Variants in RTCA observed in about 807,000 individuals in gnomAD.
The protein encoded by RTCA is RNA terminal phosphate cyclase domain 1.
A neutral mutation model predicts 46.1 loss-of-function variants in RTCA; 37 were observed. That is an observed-to-expected ratio of 0.80 (90% CI 0.62 to 1.06). The LOEUF (loss-of-function observed/expected upper bound fraction) is 1.06, where lower values mean the gene tolerates loss of function less well. RTCA is among the 50% of genes least tolerant of loss of function. The pLI is 0.00. For missense variants in RTCA, 435 were observed against 455.5 expected (o/e 0.95, Z 0.41); for synonymous variants, 164 against 158.3 (o/e 1.04, Z -0.27).
rs1665889392 is a variant in RTCA at position 100,268,172 on chromosome 1, T to A, written c.167T>A (p.Leu56Gln). Residue 56 changes from leucine to glutamine, a missense_variant, in exon 3 of 11, where the codon CTG becomes CAG. By Grantham distance (113) the Leu-to-Gln change is moderately radical (BLOSUM62 -2). Coordinates refer to ENST00000370128, the MANE Select transcript of RTCA (RefSeq NM_003729.4). ...TGAAGGCCTCAACATTTATCTGGAC[T>A]GGAAATGATTCGAGATTTGTGTGAT... The part of the protein sequence containing the change: ...PGLRPQHLSG[L>Q]EMIRDLCDGQ... 1.2e-6 allele frequency: 2 copies of A among 1,614,214 alleles called. No homozygotes were observed. Among genetic ancestry groups the A allele is most frequent in the African/African-American group, 1.3e-5 (1 of 75,052 alleles).
At chr1:100,288,600 A>G (rs1426009773) in intron 10 of RTCA, among the ~76,000 whole-genome samples, 2 of 151,978 alleles carry the variant, frequency 1.3e-5, no homozygotes, top group Non-Finnish European at 2.9e-5. Flanking sequence ...CCACATTCCC[A>G]GGCTGGTCTT....
chr1:100,267,536 A>C (rs905874462), intron 2 of RTCA: 1 of 1,546,042 alleles, frequency 6.5e-7, no homozygotes, highest in African/African-American at 1.4e-5. Flanking sequence ...AGGTCCTGAC[A>C]AGGTTGGTTT....
At chr1:100,273,993 T>C (rs1374860082) in intron 5 of RTCA, among the ~76,000 whole-genome samples, 1 of 152,240 alleles carries the variant, frequency 6.6e-6, no homozygotes, top group Non-Finnish European at 1.5e-5. Context: ...ATTCTAACAA[T>C]ATGTTTGCTT....
At chr1:100,286,766 G>A (rs1389298885) in intron 9 of RTCA, among the ~76,000 whole-genome samples, 1 of 152,126 alleles carries the variant, frequency 6.6e-6, no homozygotes, top group Non-Finnish European at 1.5e-5. Flanking sequence ...CTGTTAAAAT[G>A]TAATTTAAGA....
Position 100,291,535 on chromosome 1 carries a change from A to C in RTCA, c.*31A>C, listed in dbSNP as rs762664833. The C allele has an allele frequency of 3.6e-5, 44 of 1,236,270 alleles. No homozygotes were observed. In the Admixed American group the frequency reaches 8.3e-4, roughly 23 times the overall value. 76.6% of individuals were successfully genotyped at this position (1,236,270 alleles called of 1,614,324 possible). On this transcript the variant is annotated 3_prime_UTR_variant, in exon 11 of 11. Transcript: ENST00000370128. Reference sequence around the variant, plus strand: ...TTGCCTCTTAAATGATACCTCATTGATATATTGCACTATTTCATAAATACT... The same window carrying C: ...TTGCCTCTTAAATGATACCTCATTGCTATATTGCACTATTTCATAAATACT...
chr1:100,289,468 T>C (rs1198223541), intron 10 of RTCA, among the ~76,000 whole-genome samples: 1 of 152,210 alleles, frequency 6.6e-6, no homozygotes, highest in African/African-American at 2.4e-5. Flanking sequence ...ATACTTTTAA[T>C]TGTTATTAAG....
intron 7 of RTCA, among the ~76,000 whole-genome samples, chr1:100,276,017 A>G (rs1376107659): frequency 1.3e-5 from 2 of 151,776 alleles, no homozygotes; most frequent in South Asian, 4.2e-4. Flanking sequence ...TTGTATTTTT[A>G]GTAGAGACAG....
At chr1:100,275,202 C>G (rs1013759225) in intron 6 of RTCA, among the ~76,000 whole-genome samples, 2 of 152,078 alleles carry the variant, frequency 1.3e-5, no homozygotes, top group East Asian at 3.8e-4. Flanking sequence ...TACACATGGA[C>G]ATAAAGATGG....
At position 100,277,332 on chromosome 1, in the gene RTCA, G is replaced by T; in HGVS notation, c.799+16G>T. ...GGTAAACGAGGTAAGATAAATGAAG[G>T]GGGTCCATAGTTCCCAATGCTACTG... On this transcript the variant is annotated intron_variant, in intron 8 of 10. Coordinates refer to ENST00000370128, the MANE Select transcript of RTCA (RefSeq NM_003729.4). 1 of 1,597,502 alleles carries T rather than the reference G, an allele frequency of 6.3e-7. No homozygotes were observed. The highest frequency in any genetic ancestry group is 8.5e-7 in the Non-Finnish European group (1 of 1,172,108).
intron 10 of RTCA, among the ~76,000 whole-genome samples, chr1:100,287,713 T>G (rs1383322602): frequency 6.6e-6 from 1 of 152,030 alleles, no homozygotes; most frequent in Non-Finnish European, 1.5e-5. Flanking sequence ...CCTCTGAAAT[T>G]TAGTAGAGTT....
chr1:100,290,687 A>C (rs977780619), intron 10 of RTCA, among the ~76,000 whole-genome samples: 7 of 152,092 alleles, frequency 4.6e-5, no homozygotes, highest in African/African-American at 1.7e-4. Flanking sequence ...GATCCCTTGA[A>C]CCCAGGAAGT....
intron 2 of RTCA, chr1:100,267,485 T>C: frequency 6.5e-7 from 1 of 1,528,976 alleles, no homozygotes; most frequent in Non-Finnish European, 8.8e-7. Flanking sequence ...ACAACAGAAA[T>C]TTATTTCCTC....
Position 100,288,267 on chromosome 1 carries a change from A to G in RTCA, c.999+1064A>G, listed in dbSNP as rs79867262. Among the ~76,000 whole-genome samples the G allele has an allele frequency of 2.3e-3, 348 of 152,246 alleles. 3 individuals are homozygous for G. Among genetic ancestry groups the G allele is most frequent in the African/African-American group, 5.7e-3 (238 of 41,532 alleles). On this transcript the variant is annotated intron_variant, in intron 10 of 10. Coordinates refer to ENST00000370128, the MANE Select transcript of RTCA (RefSeq NM_003729.4). Reference sequence around the variant, plus strand: ...AATCGTTTCTCTTTGCATTTTTTGCAGTTAATGCATACAACTTCATTTCTT... The same window carrying G: ...AATCGTTTCTCTTTGCATTTTTTGCGGTTAATGCATACAACTTCATTTCTT...
At chr1:100,282,871 A>G (rs549165715) in intron 8 of RTCA, among the ~76,000 whole-genome samples, 11 of 152,128 alleles carry the variant, frequency 7.2e-5, no homozygotes, top group African/African-American at 2.2e-4. Flanking sequence ...GAGTGGTGCA[A>G]TCTTGGCTTA....
chr1:100,289,358 G>A (rs879782116), intron 10 of RTCA, among the ~76,000 whole-genome samples: 25 of 151,834 alleles, frequency 1.6e-4, no homozygotes, highest in Non-Finnish European at 3.1e-4. Flanking sequence ...GCCCAGGCTG[G>A]TCCTGAACTC....
At chr1:100,266,725 GGTCCCA>G in intron 2 of RTCA, 101 bp downstream of exon 2, 1 of 989,536 alleles carries the variant, frequency 1.0e-6, no homozygotes, top group Non-Finnish European at 1.5e-6. Flanking sequence ...GAACCCAGAA[GGTCCCA>G]GACGCAGGTA....
At position 100,270,201 on chromosome 1, in the gene RTCA, G is replaced by T. The variant is rs571144839; in HGVS notation, c.291-356G>T. Among the ~76,000 whole-genome samples the T allele has an allele frequency of 2.5e-3, 48 of 19,232 alleles. No individual in the cohort carries two copies. In the South Asian group the frequency reaches 0.052, roughly 21 times the overall value. The allele number at this position is 19,232 out of a possible 152,430, so 12.6% of individuals were successfully genotyped here. A position where few individuals can be genotyped will look rare whatever the true frequency, so the allele number is the denominator to read the frequency against. On this transcript the variant is annotated intron_variant, in intron 3 of 10. Transcript: ENST00000370128. ...TCAAGAATTCTTTTGTAAAACTTTT[G>T]AAGAAGGTTTTATTTTTAATTTTTT... is the stretch of plus-strand genomic sequence containing the variant.
At chr1:100,279,194 A>G (rs1666556320) in intron 8 of RTCA, among the ~76,000 whole-genome samples, 1 of 152,216 alleles carries the variant, frequency 6.6e-6, no homozygotes, top group Non-Finnish European at 1.5e-5. Context: ...GTTTGTTTGT[A>G]TTACTGGTTA....
intron 4 of RTCA, among the ~76,000 whole-genome samples, chr1:100,271,575 T>C (rs1280720770): frequency 6.6e-6 from 1 of 152,222 alleles, no homozygotes; most frequent in Non-Finnish European, 1.5e-5. Context: ...TTTTTTTTTC[T>C]ATTAAGCCCC....
Sources: gnomAD v4.1 joint callset for allele counts (sites outside exome capture counted in the v4.1 genomes callset) on GRCh38, gnomAD v4.1.1 for gene constraint, MANE v1.5 for transcripts, NCBI Gene and HGNC (gene_info 2026-07-23, HGNC 2026-07-21) for gene names.